Variants in DENND2B observed in about 807,000 individuals in gnomAD.
The protein encoded by DENND2B is DENN domain-containing protein 2B.
Under a neutral mutation model 116.0 loss-of-function variants are expected in DENND2B, and 32 were observed. The observed-to-expected ratio is 0.28, with a 90% CI of 0.21 to 0.37. The LOEUF is 0.37. Ranked by LOEUF, DENND2B falls within the 10% of genes least tolerant of loss-of-function variation. DENND2B has a pLI of 1.00. For missense variants in DENND2B, 1,276 were observed against 1,477.7 expected (o/e 0.86, Z 2.24); for synonymous variants, 588 against 583.9 (o/e 1.01, Z -0.10).
At position 8,804,547 on chromosome 11, in the gene DENND2B, CTTTTTT is replaced by C. The variant is rs58169547; in HGVS notation, c.-26+5964_-26+5969del. On this transcript the variant is annotated intron_variant, in intron 1 of 19. Coordinates refer to ENST00000313726, the MANE Select transcript of DENND2B (RefSeq NM_213618.2). ...ACGAGATGCAAAATAGCAGCTACTT[CTTTTTT>C]TTTTTTTTTGAGACGAAGTCTTGCT... Among the ~76,000 whole-genome samples the C allele has an allele frequency of 3.9e-5, 5 of 129,610 alleles. No individual in the cohort carries two copies. The South Asian group carries it at 1.0e-3, about 26-fold the overall frequency. The allele number at this position is 129,610 out of a possible 152,430, so 85.0% of individuals were successfully genotyped here. A position where few individuals can be genotyped will look rare whatever the true frequency, so the allele number is the denominator to read the frequency against.
intron 1 of DENND2B, among the ~76,000 whole-genome samples, chr11:8,881,520 A>C (rs1178823616): frequency 6.6e-6 from 1 of 151,984 alleles, no homozygotes; most frequent in Non-Finnish European, 1.5e-5. Context: ...TTAATTTCCA[A>C]ATGCTCTGTC....
chr11:8,726,791 G>A (rs570675297), intron 3 of DENND2B, among the ~76,000 whole-genome samples: 35 of 152,354 alleles, frequency 2.3e-4, no homozygotes, highest in African/African-American at 7.7e-4. Context: ...AACACTGGGA[G>A]GGTCCCACTC....
At chr11:8,898,908 C>T (rs1182637209) in intron 1 of DENND2B, among the ~76,000 whole-genome samples, 2 of 152,186 alleles carry the variant, frequency 1.3e-5, no homozygotes, top group African/African-American at 4.8e-5. Flanking sequence ...TTAGACTTAG[C>T]AGACAGACTT....
chr11:8,898,846 T>C (rs758188157), intron 1 of DENND2B, among the ~76,000 whole-genome samples: 68 of 152,042 alleles, frequency 4.5e-4, no homozygotes, highest in Non-Finnish European at 1.6e-4. Flanking sequence ...GTGGGGCCCA[T>C]ATATAGAAAA....
intron 2 of DENND2B, among the ~76,000 whole-genome samples, chr11:8,864,890 T>G (rs1396500328): frequency 6.6e-6 from 1 of 152,122 alleles, no homozygotes; most frequent in African/African-American, 2.4e-5. Context: ...AAAATCTAAA[T>G]TCAAACTTGT....
At chr11:8,808,420 T>G (rs3850934) in intron 1 of DENND2B, 30,863 of 152,158 alleles carry the variant, frequency 0.2, 4,036 homozygotes, top group Middle Eastern at 0.37. Flanking sequence ...ATGAGTCAGG[T>G]GACCAAGGAA....
At chr11:8,703,364 G>A (rs1275561417) in intron 13 of DENND2B, 8 of 152,388 alleles carry the variant, frequency 5.2e-5, no homozygotes, top group African/African-American at 1.9e-4. Context: ...AAGCAGGACT[G>A]TCTTATCAGG....
chr11:8,710,605 C>T (rs1174722581), intron 11 of DENND2B, among the ~76,000 whole-genome samples: 2 of 152,166 alleles, frequency 1.3e-5, no homozygotes, highest in Non-Finnish European at 2.9e-5. Flanking sequence ...CAGATAACCT[C>T]CGATCCTAAG....
chr11:8,814,689 A>T (rs574931940), upstream of DENND2B, among the ~76,000 whole-genome samples: 17 of 152,322 alleles, frequency 1.1e-4, no homozygotes, highest in South Asian at 3.5e-3. Context: ...GCTTAATCTC[A>T]GTCTTCCCTC....
intron 1 of DENND2B, among the ~76,000 whole-genome samples, chr11:8,893,397 G>A (rs1425069973): frequency 6.6e-6 from 1 of 152,154 alleles, no homozygotes; most frequent in Non-Finnish European, 1.5e-5. Context: ...GTTCTGGCCA[G>A]GGCAATCAGG....
chr11:8,798,062 CCT>C (rs532682330), intron 1 of DENND2B, among the ~76,000 whole-genome samples: 97 of 152,262 alleles, frequency 6.4e-4, no homozygotes, highest in African/African-American at 2.3e-3. Flanking sequence ...CTCTCAGGTC[CCT>C]GTTACTCTCT....
intron 1 of DENND2B, chr11:8,784,497 C>A (rs2058705556): frequency 1.3e-5 from 2 of 151,556 alleles, no homozygotes; most frequent in South Asian, 2.1e-4. Flanking sequence ...TTAGCCTACA[C>A]AACCAGCAAC....
chr11:8,903,889 CAAAA>C (rs61317026), intron 1 of DENND2B, among the ~76,000 whole-genome samples: 3 of 75,364 alleles, frequency 4.0e-5, no homozygotes, highest in African/African-American at 1.1e-4. Flanking sequence ...GACCTTGTCT[CAAAA>C]AAAAAAAAAA....
chr11:8,702,407 C>T lies in DENND2B; in HGVS notation c.2720+165G>A, dbSNP rs2041865555. On this transcript the variant is annotated intron_variant, in intron 14 of 19. Coordinates refer to ENST00000313726, the MANE Select transcript of DENND2B (RefSeq NM_213618.2). The surrounding 1 kb of genome is among the most constrained non-coding windows in gnomAD (Gnocchi z 4.6). The stretch of plus-strand genomic sequence containing the variant: ...TGTGCTCCCAAACCCTGCTCCCTCA[C>T]CCACACAGGGGTGCTACCTTTCCAC... 6.6e-6 allele frequency among the ~76,000 whole-genome samples: 1 copy of T among 152,196 alleles called. No individual in the cohort carries two copies. Among genetic ancestry groups the T allele is most frequent in the Non-Finnish European group, 1.5e-5 (1 of 68,034 alleles).
chr11:8,820,790 A>G (rs1393405668), intron 4 of DENND2B, among the ~76,000 whole-genome samples: 1 of 152,196 alleles, frequency 6.6e-6, no homozygotes, highest in Non-Finnish European at 1.5e-5. Flanking sequence ...CCTTGGTCTG[A>G]AAAACTGCAC....
At chr11:8,846,857 A>T (rs999408899) in intron 3 of DENND2B, among the ~76,000 whole-genome samples, 8 of 152,260 alleles carry the variant, frequency 5.3e-5, no homozygotes, top group Admixed American at 5.2e-4. Flanking sequence ...TCTTTGCTGT[A>T]GGTGTTTGAT....
At chr11:8,869,015 T>C (rs2063682060) in intron 2 of DENND2B, among the ~76,000 whole-genome samples, 1 of 152,232 alleles carries the variant, frequency 6.6e-6, no homozygotes, top group East Asian at 1.9e-4. Flanking sequence ...TCAGCTATCC[T>C]TAGAGTCAGT....
chr11:8,718,096 A>ATCCCCCCCCCCCCCCCCCCCCCCCC, intron 4 of DENND2B: 1 of 65,008 alleles, frequency 1.5e-5, no homozygotes, highest in Non-Finnish European at 2.9e-5. Context: ...AAGCAGACCC[A>ATCCCCCCCCCCCCCCCCCCCCCCCC]CCCCCCCACC....
At chr11:8,903,674 G>C (rs2064199427) in intron 1 of DENND2B, among the ~76,000 whole-genome samples, 1 of 151,946 alleles carries the variant, frequency 6.6e-6, no homozygotes, top group South Asian at 2.1e-4. Context: ...GAGTTCAGGA[G>C]TTCAAGACCA....
Sources: allele counts gnomAD v4.1 joint callset (sites outside exome capture counted in the v4.1 genomes callset), GRCh38; gene constraint gnomAD v4.1.1; non-coding constraint Gnocchi (gnomAD v3.1); transcripts MANE v1.5; gene names NCBI Gene and HGNC (gene_info 2026-07-23, HGNC 2026-07-21).